Variants in PRKN observed in about 807,000 individuals in gnomAD.
The protein encoded by PRKN is E3 ubiquitin-protein ligase parkin.
In PRKN, 56 loss-of-function variants were observed where a neutral mutation model predicts 59.5. The observed-to-expected ratio is 0.94, with a 90% CI of 0.76 to 1.18. PRKN has a LOEUF of 1.18. Ranked by LOEUF, PRKN falls within the 50% of genes most tolerant of loss-of-function variation. PRKN has a pLI of 0.00. For missense variants in PRKN, 657 were observed against 596.4 expected, an observed-to-expected ratio of 1.10 and a Z score of -1.06; for synonymous variants, 250 against 222.1, an observed-to-expected ratio of 1.13 and a Z score of -1.12.
At chr6:162,525,940 A>C (rs2846479) in intron 1 of PRKN, among the ~76,000 whole-genome samples, 42,360 of 151,948 alleles carry the variant, frequency 0.28, 6,702 homozygotes, top group Non-Finnish European at 0.37. Context: ...TGCAGCCCCG[A>C]CCTCCCAGGC....
At chr6:162,335,963 A>G (rs1045446203) in intron 2 of PRKN, among the ~76,000 whole-genome samples, 2 of 151,434 alleles carry the variant, frequency 1.3e-5, no homozygotes, top group African/African-American at 2.4e-5. Context: ...TCAAGTAATT[A>G]CAGTGATTCT....
At chr6:162,426,914 A>C (rs1007922482) in intron 2 of PRKN, among the ~76,000 whole-genome samples, 2 of 152,228 alleles carry the variant, frequency 1.3e-5, no homozygotes, top group Non-Finnish European at 2.9e-5. Flanking sequence ...ACAGCATCAA[A>C]GTTAAGGAGA....
intron 1 of PRKN, among the ~76,000 whole-genome samples, chr6:162,578,580 G>T (rs34398656): frequency 0.12 from 18,713 of 152,180 alleles, 1,260 homozygotes; most frequent in Middle Eastern, 0.2. Flanking sequence ...AGGAGTACAA[G>T]CATGGAAAAG....
Position 161,364,045 on chromosome 6 carries a change from T to G in PRKN, c.1168-3840A>C, listed in dbSNP as rs1785087977. Among the ~76,000 whole-genome samples, 3 of 151,480 alleles carry G rather than the reference T, an allele frequency of 2.0e-5. No individual in the cohort carries two copies. In the South Asian group the frequency reaches 6.3e-4, roughly 32 times the overall value. On this transcript the variant is annotated intron_variant, in intron 10 of 11. Coordinates refer to ENST00000366898, the MANE Select transcript of PRKN (RefSeq NM_004562.3). ...TTAGCTGGGCATGGTGGTGGGCGCC[T>G]GTAGTCCCAGCTACTCAGGAGGCTG...
chr6:162,527,050 T>C (rs530303962), intron 1 of PRKN, among the ~76,000 whole-genome samples: 1 of 152,236 alleles, frequency 6.6e-6, no homozygotes, highest in East Asian at 1.9e-4. Context: ...ACAACACAAA[T>C]AAACAGGATT....
At chr6:162,146,516 T>G (rs1400909681) in intron 4 of PRKN, among the ~76,000 whole-genome samples, 1 of 151,480 alleles carries the variant, frequency 6.6e-6, no homozygotes. Context: ...ATATAAATTT[T>G]TTTTTTCTGA....
chr6:162,349,361 G>T (rs1029836838), intron 2 of PRKN, among the ~76,000 whole-genome samples: 5 of 152,086 alleles, frequency 3.3e-5, no homozygotes, highest in Admixed American at 3.3e-4. Context: ...AGCTACATGA[G>T]GGGGCAGAGG....
At chr6:161,885,392 G>A (rs1442751806) in intron 6 of PRKN, among the ~76,000 whole-genome samples, 4 of 152,104 alleles carry the variant, frequency 2.6e-5, no homozygotes, top group Admixed American at 6.5e-5. Context: ...TGGGCCGGGT[G>A]CGGTGGCTCA....
At chr6:161,472,608 A>G (rs927211346) in intron 9 of PRKN, among the ~76,000 whole-genome samples, 4 of 152,206 alleles carry the variant, frequency 2.6e-5, no homozygotes, top group African/African-American at 7.2e-5. Context: ...CTTTTTGGAT[A>G]CCACACCAAA....
At chr6:162,558,853 G>T (rs9458593) in intron 1 of PRKN, among the ~76,000 whole-genome samples, 2 of 151,658 alleles carry the variant, frequency 1.3e-5, no homozygotes, top group Non-Finnish European at 2.9e-5. Flanking sequence ...TGTTGCCCAG[G>T]CTGGTCTCAA....
At chr6:161,981,856 C>A (rs762733622) in intron 5 of PRKN, among the ~76,000 whole-genome samples, 7 of 152,200 alleles carry the variant, frequency 4.6e-5, no homozygotes, top group Non-Finnish European at 8.8e-5. Flanking sequence ...ATGAGTCTAT[C>A]ACCATGTTCA....
At position 161,360,369 on chromosome 6, in the gene PRKN, C is replaced by T. The variant is rs533857567; in HGVS notation, c.1168-164G>A. Among the ~76,000 whole-genome samples the T allele has an allele frequency of 1.2e-4, 18 of 152,298 alleles. No individual in the cohort carries two copies. Among genetic ancestry groups the T allele is most frequent in the South Asian group, 6.2e-4 (3 of 4,826 alleles). ...TGACAAATGCTAGACAGCTACTAGG[C>T]GGATGGGGACACTCTCCCTGGCATG... is the stretch of plus-strand genomic sequence containing the variant. On this transcript the variant is annotated intron_variant, in intron 10 of 11. Coordinates refer to ENST00000366898, the MANE Select transcript of PRKN (RefSeq NM_004562.3). The surrounding 1 kb of genome is among the most constrained non-coding windows in gnomAD (Gnocchi z 5.1).
intron 7 of PRKN, among the ~76,000 whole-genome samples, chr6:161,717,967 G>A (rs1356871864): frequency 6.6e-6 from 1 of 152,216 alleles, no homozygotes; most frequent in Non-Finnish European, 1.5e-5. Flanking sequence ...GCTCAGCTGT[G>A]TGTGTTTCCA....
chr6:161,901,153 G>GT (rs1777903199), intron 6 of PRKN, among the ~76,000 whole-genome samples: 1 of 151,952 alleles, frequency 6.6e-6, no homozygotes, highest in African/African-American at 2.4e-5. Context: ...CCTGACTCAG[G>GT]TGATCCTCCT....
Position 162,699,594 on chromosome 6 carries a change from A to G in PRKN, c.7+28068T>C, listed in dbSNP as rs111409903. On this transcript the variant is annotated intron_variant, in intron 1 of 11. Coordinates refer to ENST00000366898, the MANE Select transcript of PRKN (RefSeq NM_004562.3). ...TTTTTAAATTTTTCATTCAAACATC[A>G]TATATTAAACAAAAGCTAATTTTAA... Among the ~76,000 whole-genome samples the G allele has an allele frequency of 5.4e-3, 820 of 152,320 alleles. 7 individuals carry two copies. Among genetic ancestry groups the G allele is most frequent in the African/African-American group, 0.018 (751 of 41,568 alleles).
chr6:162,121,283 C>T (rs1322033076), intron 4 of PRKN, among the ~76,000 whole-genome samples: 2 of 152,076 alleles, frequency 1.3e-5, no homozygotes, highest in African/African-American at 4.8e-5. Flanking sequence ...TGTATGCCAA[C>T]CCGTGGAAAA....
chr6:161,715,825 A>G (rs1242629757), intron 7 of PRKN, among the ~76,000 whole-genome samples: 2 of 152,126 alleles, frequency 1.3e-5, no homozygotes, highest in African/African-American at 4.8e-5. Flanking sequence ...AGTCCTCACA[A>G]GCTCCCCTAC....
At position 162,020,044 on chromosome 6, in the gene PRKN, A is replaced by G. The variant is rs182967933; in HGVS notation, c.618+34047T>C. On this transcript the variant is annotated intron_variant, in intron 5 of 11. Coordinates refer to ENST00000366898, the MANE Select transcript of PRKN (RefSeq NM_004562.3). ...CAAAGGAAAAAAAAAAAATATCACAAAGTGGTTTTGCTCAGCCTTGGTCTA... is the reference window on the plus strand; with the variant it reads ...CAAAGGAAAAAAAAAAAATATCACAGAGTGGTTTTGCTCAGCCTTGGTCTA... Among the ~76,000 whole-genome samples, 92 of 152,046 alleles carry G rather than the reference A, an allele frequency of 6.1e-4. 1 individual carries two copies. The highest frequency in any genetic ancestry group is 2.0e-3 in the African/African-American group (83 of 41,484).
At chr6:161,995,650 G>GA (rs547611813) in intron 5 of PRKN, among the ~76,000 whole-genome samples, 4 of 151,876 alleles carry the variant, frequency 2.6e-5, no homozygotes, top group Admixed American at 6.6e-5. Context: ...ACAGGTATAT[G>GA]AAAAAAAATT....
Sources: gnomAD v4.1 joint callset for allele counts (sites outside exome capture counted in the v4.1 genomes callset) on GRCh38, gnomAD v4.1.1 for gene constraint, Gnocchi (gnomAD v3.1) non-coding constraint, MANE v1.5 for transcripts, NCBI Gene and HGNC (gene_info 2026-07-23, HGNC 2026-07-21) for gene names.